The following RPS6KC1 variants were observed in gnomAD, a reference collection of about 807,000 sequenced individuals.
RPS6KC1 encodes inactive ribosomal protein S6 kinase delta-1.
RPS6KC1 carries 54 observed loss-of-function variants against 103.8 expected under a neutral mutation model. That is an observed-to-expected ratio of 0.52 (90% CI 0.42 to 0.65). RPS6KC1 has a LOEUF of 0.65. RPS6KC1 is among the 30% of genes least tolerant of loss of function. The pLI is 0.00. For synonymous variants in RPS6KC1, 439 were observed against 438.7 expected (o/e 1.00, Z -0.01); for missense variants, 1,151 against 1,253.8 (o/e 0.92, Z 1.24).
chr1:213,098,013 C>CATG (rs2081624785), intron 3 of RPS6KC1, among the ~76,000 whole-genome samples: 1 of 152,218 alleles, frequency 6.6e-6, no homozygotes. Flanking sequence ...TCTTATCATT[C>CATG]ATGTGTTCAC....
intron 6 of RPS6KC1, among the ~76,000 whole-genome samples, chr1:213,151,624 A>G (rs1396376805): frequency 2.4e-5 from 2 of 84,854 alleles, no homozygotes; most frequent in East Asian, 7.1e-4. Context: ...TCCATCCCAG[A>G]CGGGGCGGCT....
At chr1:213,566,924 C>T in the RPS6KC1 span, among the ~76,000 whole-genome samples, 1 of 152,100 alleles carries the variant, frequency 6.6e-6, no homozygotes, top group Non-Finnish European at 1.5e-5. Context: ...TGTCTGCTGA[C>T]TCTTTTGCTC....
At chr1:213,080,753 C>A (rs542628246) in intron 3 of RPS6KC1, among the ~76,000 whole-genome samples, 4 of 152,082 alleles carry the variant, frequency 2.6e-5, no homozygotes, top group Non-Finnish European at 5.9e-5. Context: ...TTTGTAGCAA[C>A]ATGTTTTCAC....
chr1:213,054,741 A>C (rs1476628090), intron 1 of RPS6KC1, among the ~76,000 whole-genome samples: 1 of 152,188 alleles, frequency 6.6e-6, no homozygotes, highest in Non-Finnish European at 1.5e-5. Context: ...AGGTTAGATG[A>C]TTTTGAGGCC....
the RPS6KC1 span, among the ~76,000 whole-genome samples, chr1:213,283,301 C>T: frequency 6.6e-6 from 1 of 152,230 alleles, no homozygotes; most frequent in Non-Finnish European, 1.5e-5. Flanking sequence ...GCAAAGATGG[C>T]GGTAGCATAC....
At chr1:213,156,490 G>A (rs1264368961) in intron 6 of RPS6KC1, among the ~76,000 whole-genome samples, 10 of 152,072 alleles carry the variant, frequency 6.6e-5, no homozygotes, top group Admixed American at 6.6e-5. Context: ...CAAAAAGTCC[G>A]ATAAACCCCA....
At chr1:213,662,613 A>G in the RPS6KC1 span, among the ~76,000 whole-genome samples, 6 of 152,138 alleles carry the variant, frequency 3.9e-5, no homozygotes, top group Admixed American at 3.9e-4. Context: ...CTTTAATCAT[A>G]GCTCCCCTGC....
At chr1:213,209,472 G>T (rs1317916882) in intron 8 of RPS6KC1, among the ~76,000 whole-genome samples, 1 of 151,888 alleles carries the variant, frequency 6.6e-6, no homozygotes, top group Non-Finnish European at 1.5e-5. Flanking sequence ...GAGGTGGGTG[G>T]ATCACCTGAG....
At chr1:213,181,933 ATGGACTTTCT>A (rs1466857533) in intron 8 of RPS6KC1, among the ~76,000 whole-genome samples, 5 of 152,194 alleles carry the variant, frequency 3.3e-5, no homozygotes, top group African/African-American at 4.8e-5. Flanking sequence ...AGTAAATACA[ATGGACTTTCT>A]TTCTCTTTAG....
chr1:213,780,724 G>A, the RPS6KC1 span, among the ~76,000 whole-genome samples: 7 of 152,248 alleles, frequency 4.6e-5, no homozygotes, highest in South Asian at 8.3e-4. Context: ...TCAAAGGGAC[G>A]AGAATCTAGG....
intron 10 of RPS6KC1, among the ~76,000 whole-genome samples, chr1:213,233,903 A>G (rs2094160730): frequency 1.3e-5 from 2 of 152,088 alleles, no homozygotes; most frequent in Non-Finnish European, 2.9e-5. Context: ...ATAGTAAATT[A>G]TAGTGCAAAT....
the RPS6KC1 span, among the ~76,000 whole-genome samples, chr1:213,809,216 G>A: frequency 1.3e-5 from 2 of 152,150 alleles, no homozygotes; most frequent in South Asian, 4.1e-4. Context: ...GGAATAGAGA[G>A]GCTTGAGGAG....
At chr1:213,367,335 C>T in the RPS6KC1 span, among the ~76,000 whole-genome samples, 2 of 152,152 alleles carry the variant, frequency 1.3e-5, no homozygotes, top group African/African-American at 4.8e-5. Flanking sequence ...TCATGGCTAC[C>T]CCATCCTGAC....
At chr1:213,364,848 C>T in the RPS6KC1 span, among the ~76,000 whole-genome samples, 1 of 151,830 alleles carries the variant, frequency 6.6e-6, no homozygotes, top group African/African-American at 2.4e-5. Flanking sequence ...TTTCCAGATA[C>T]TCGGGAGGCT....
the RPS6KC1 span, among the ~76,000 whole-genome samples, chr1:213,613,701 G>A: frequency 6.6e-6 from 1 of 152,328 alleles, no homozygotes; most frequent in Middle Eastern, 3.4e-3. Flanking sequence ...TGCTGCACGT[G>A]ACCACAGTGC....
In RPS6KC1 at chr1:213,155,732, C is replaced by T. The variant is rs931963594; in HGVS notation, c.836-12126C>T. Among the ~76,000 whole-genome samples the T allele has an allele frequency of 7.9e-5, 12 of 152,220 alleles. No individual in the cohort carries two copies. The South Asian group carries it at 1.9e-3, about 24-fold the overall frequency. ...GTTAAAACCAGGTACTATGAGTACTCACCTGATTTTTGGTTCTTATGAAGG... is the reference window on the plus strand; with the variant it reads ...GTTAAAACCAGGTACTATGAGTACTTACCTGATTTTTGGTTCTTATGAAGG... On this transcript the variant is annotated intron_variant, in intron 6 of 14. Coordinates refer to ENST00000366960, the MANE Select transcript of RPS6KC1 (RefSeq NM_012424.6).
chr1:213,497,268 C>A, the RPS6KC1 span, among the ~76,000 whole-genome samples: 1 of 152,052 alleles, frequency 6.6e-6, no homozygotes, highest in African/African-American at 2.4e-5. Context: ...AGCATCCATG[C>A]AACCTATATG....
the RPS6KC1 span, among the ~76,000 whole-genome samples, chr1:213,551,971 G>C: frequency 6.6e-6 from 1 of 152,144 alleles, no homozygotes; most frequent in South Asian, 2.1e-4. Flanking sequence ...AGCCCTTTCA[G>C]ATTGGCTTCT....
At chr1:213,346,779 A>ATGCT in the RPS6KC1 span, among the ~76,000 whole-genome samples, 1 of 152,158 alleles carries the variant, frequency 6.6e-6, no homozygotes, top group African/African-American at 2.4e-5. Flanking sequence ...CTGAACTCTT[A>ATGCT]TGCTTCTTTC....
Sources: allele counts gnomAD v4.1 joint callset (sites outside exome capture counted in the v4.1 genomes callset), GRCh38; gene constraint gnomAD v4.1.1; transcripts MANE v1.5; gene names NCBI Gene and HGNC (gene_info 2026-07-23, HGNC 2026-07-21).